KIF6: variants seen among roughly 807,000 people sequenced by gnomAD.
The protein encoded by KIF6 is kinesin-like protein KIF6.
Under a neutral mutation model 112.7 loss-of-function variants are expected in KIF6, and 106 were observed. The ratio of observed to expected loss-of-function variants is 0.94; its 90% CI spans 0.80 to 1.11. The LOEUF is 1.11. Among genes scored for constraint, KIF6 ranks in the 50% least tolerant of loss-of-function variants. The pLI is 0.00. For synonymous variants in KIF6, 339 were observed against 339.9 expected (o/e 1.00, Z 0.03); for missense variants, 929 against 964.0 (o/e 0.96, Z 0.48).
chr6:39,595,313 G>T (rs930001458), intron 7 of KIF6, among the ~76,000 whole-genome samples: 4 of 152,196 alleles, frequency 2.6e-5, no homozygotes, highest in Non-Finnish European at 4.4e-5. Context: ...GTGAAAAAAG[G>T]TATAGGCTGT....
rs78729975 is a variant in KIF6 at position 39,527,441 on chromosome 6, T to C, written c.1645+12562A>G. Among the ~76,000 whole-genome samples, 1,444 of 152,058 alleles carry C rather than the reference T, an allele frequency of 9.5e-3. 34 individuals carry two copies. Among genetic ancestry groups the C allele is most frequent in the African/African-American group, 0.032 (1,347 of 41,466 alleles). ...CTCATCTCCAATATACTCCAAAGAG[T>C]TCCTTTAAAAATACCTCCCCAGAGC... On this transcript the variant is annotated intron_variant, in intron 13 of 22. Coordinates refer to ENST00000287152, the MANE Select transcript of KIF6 (RefSeq NM_145027.6).
At position 39,334,790 on chromosome 6, in the gene KIF6, G is replaced by A. The variant is rs981791639; in HGVS notation, c.*1742C>T. The A allele has an allele frequency of 1.3e-5, 2 of 152,252 alleles. No individual in the cohort carries two copies. The highest frequency in any genetic ancestry group is 2.4e-5 in the African/African-American group (1 of 41,418). 9.4% of individuals were successfully genotyped at this position (152,252 alleles called of 1,614,324 possible). A position where few individuals can be genotyped will look rare whatever the true frequency, so the allele number is the denominator to read the frequency against. ...TGAGAGTGTGTGTGTGTATGTGTGT[G>A]TGTGTGTGCAGTTACATGTGTGTTC... On this transcript the variant is annotated 3_prime_UTR_variant, in exon 23 of 23. Coordinates refer to ENST00000287152, the MANE Select transcript of KIF6 (RefSeq NM_145027.6).
At chr6:39,381,127 T>C (rs892814732) in intron 16 of KIF6, among the ~76,000 whole-genome samples, 7 of 152,146 alleles carry the variant, frequency 4.6e-5, no homozygotes, top group Admixed American at 1.3e-4. Context: ...ATTGCCTTTA[T>C]AGAAATTTCC....
At chr6:39,353,533 A>C (rs949850255) in intron 19 of KIF6, among the ~76,000 whole-genome samples, 4 of 152,218 alleles carry the variant, frequency 2.6e-5, no homozygotes, top group Non-Finnish European at 5.9e-5. Context: ...TTGTCTTTTA[A>C]TTCTTTTAAA....
intron 5 of KIF6, among the ~76,000 whole-genome samples, chr6:39,618,803 CA>C (rs1361178368): frequency 2.0e-5 from 3 of 152,208 alleles, no homozygotes; most frequent in Non-Finnish European, 4.4e-5. Flanking sequence ...TTAACTCTTT[CA>C]ACCAATTGCC....
intron 13 of KIF6, among the ~76,000 whole-genome samples, chr6:39,488,639 C>T (rs1024110753): frequency 4.6e-5 from 7 of 152,166 alleles, no homozygotes; most frequent in Non-Finnish European, 8.8e-5. Flanking sequence ...GACCTGACAT[C>T]GTGCTTGGCA....
chr6:39,558,488 A>G (rs922359109), intron 10 of KIF6, among the ~76,000 whole-genome samples: 9 of 152,172 alleles, frequency 5.9e-5, no homozygotes, highest in African/African-American at 2.2e-4. Context: ...ACACATACAA[A>G]AAGATTTTCT....
chr6:39,542,375 T>G (rs1778835659), intron 12 of KIF6, among the ~76,000 whole-genome samples: 1 of 152,190 alleles, frequency 6.6e-6, no homozygotes, highest in South Asian at 2.1e-4. Context: ...TGTGTGAACT[T>G]TATTCAAGCT....
chr6:39,488,610 T>C (rs1416137402), intron 13 of KIF6, among the ~76,000 whole-genome samples: 1 of 152,206 alleles, frequency 6.6e-6, no homozygotes, highest in Non-Finnish European at 1.5e-5. Context: ...CTGTATTTTA[T>C]TTATCTTTGA....
chr6:39,358,646 G>A (rs1346866214), intron 18 of KIF6, among the ~76,000 whole-genome samples: 1 of 152,194 alleles, frequency 6.6e-6, no homozygotes, highest in Non-Finnish European at 1.5e-5. Context: ...TGATGAACTT[G>A]CCAGGAAGGG....
intron 3 of KIF6, among the ~76,000 whole-genome samples, chr6:39,704,832 A>G (rs1789102635): frequency 6.6e-6 from 1 of 152,218 alleles, no homozygotes; most frequent in African/African-American, 2.4e-5. Flanking sequence ...AACTTAGTCT[A>G]AATAGTTTCA....
chr6:39,341,053 C>T (rs1176899148), intron 22 of KIF6, among the ~76,000 whole-genome samples: 2 of 152,154 alleles, frequency 1.3e-5, no homozygotes, highest in Non-Finnish European at 1.5e-5. Flanking sequence ...CCTCTCTATG[C>T]ATGTTTCAGC....
intron 5 of KIF6, among the ~76,000 whole-genome samples, chr6:39,617,470 C>T (rs952041393): frequency 3.3e-5 from 5 of 152,070 alleles, no homozygotes; most frequent in Non-Finnish European, 7.3e-5. Flanking sequence ...TGGTTTCTAA[C>T]GTTCATGTTA....
At chr6:39,393,279 G>A (rs907791871) in intron 15 of KIF6, among the ~76,000 whole-genome samples, 8 of 152,324 alleles carry the variant, frequency 5.3e-5, no homozygotes, top group East Asian at 1.9e-4. Flanking sequence ...GGGTGAGTGC[G>A]TGGACTCTGG....
intron 13 of KIF6, among the ~76,000 whole-genome samples, chr6:39,439,611 G>A (rs17456316): frequency 0.022 from 3,380 of 152,252 alleles, 68 homozygotes; most frequent in Non-Finnish European, 0.029. Context: ...TCAACAAGGG[G>A]CTTTCAACAT....
intron 13 of KIF6, among the ~76,000 whole-genome samples, chr6:39,485,557 A>T (rs887191023): frequency 5.9e-5 from 9 of 152,160 alleles, no homozygotes; most frequent in African/African-American, 1.9e-4. Context: ...AGGAATCCAT[A>T]AAATCTGTAG....
intron 16 of KIF6, among the ~76,000 whole-genome samples, chr6:39,380,110 C>A (rs566796540): frequency 3.3e-5 from 5 of 152,342 alleles, no homozygotes; most frequent in African/African-American, 9.6e-5. Flanking sequence ...TAAAAACACA[C>A]ACAACTGAAT....
chr6:39,380,704 TG>T, intron 16 of KIF6, among the ~76,000 whole-genome samples: 1 of 151,836 alleles, frequency 6.6e-6, no homozygotes, highest in East Asian at 1.9e-4. Flanking sequence ...ATTTCCAGCA[TG>T]GCTGATTTGA....
intron 13 of KIF6, among the ~76,000 whole-genome samples, chr6:39,521,652 G>C (rs1777409140): frequency 6.6e-6 from 1 of 152,146 alleles, no homozygotes; most frequent in South Asian, 2.1e-4. Context: ...TTTCTGGGCA[G>C]TACCTTGGTT....
Sources: allele counts gnomAD v4.1 joint callset (sites outside exome capture counted in the v4.1 genomes callset), GRCh38; gene constraint gnomAD v4.1.1; transcripts MANE v1.5; gene names NCBI Gene and HGNC (gene_info 2026-07-23, HGNC 2026-07-21).